The following KIF1B variants were observed in gnomAD, a reference collection of about 807,000 sequenced individuals.
KIF1B encodes kinesin family member 1B.
In KIF1B, 76 loss-of-function variants were observed where a neutral mutation model predicts 241.9. The ratio of observed to expected loss-of-function variants is 0.31; its 90% CI spans 0.26 to 0.38. KIF1B has a LOEUF of 0.38. KIF1B is among the 10% of genes least tolerant of loss of function. The pLI is 1.00. For missense variants in KIF1B, 1,622 were observed against 2,271.4 expected (o/e 0.71, Z 5.81); for synonymous variants, 750 against 796.7 (o/e 0.94, Z 0.99).
chr1:10,259,505 AT>A lies in KIF1B; in HGVS notation c.363+848del, dbSNP rs869146825. On this transcript the variant is annotated intron_variant, in intron 4 of 48. Coordinates refer to ENST00000676179, the MANE Select transcript of KIF1B (RefSeq NM_001365951.3). ...CATTTTTAAATTAAAAAAAAAAAAA[AT>A]TTTTTTTTTTTTTTGAGGTGGAGTC... 1.2e-3 allele frequency among the ~76,000 whole-genome samples: 140 copies of A among 121,578 alleles called. 1 individual carries two copies. Among genetic ancestry groups the A allele is most frequent in the Middle Eastern group, 4.5e-3 (1 of 220 alleles). The allele number at this position is 121,578 out of a possible 152,430, so 79.8% of individuals were successfully genotyped here. A position where few individuals can be genotyped will look rare whatever the true frequency, so the allele number is the denominator to read the frequency against.
intron 5 of KIF1B, among the ~76,000 whole-genome samples, chr1:10,264,249 G>T (rs530567384): frequency 6.6e-6 from 1 of 152,286 alleles, no homozygotes; most frequent in South Asian, 2.1e-4. Flanking sequence ...GCTCACTGGG[G>T]CAGGGTTCTT....
At chr1:10,254,943 ATTTTCATTTC>A (rs1455595246) in intron 2 of KIF1B, among the ~76,000 whole-genome samples, 7 of 150,226 alleles carry the variant, frequency 4.7e-5, no homozygotes, top group Non-Finnish European at 1.0e-4. Context: ...TAACTTTCTA[ATTTTCATTTC>A]TCTTTTTTTT....
At chr1:10,279,723 TCTCA>T (rs1238179218) in intron 14 of KIF1B, among the ~76,000 whole-genome samples, 1 of 133,594 alleles carries the variant, frequency 7.5e-6, no homozygotes, top group African/African-American at 2.8e-5. Flanking sequence ...TTTTAGACAG[TCTCA>T]CTCTTGTCAC....
rs141688466 is a variant in KIF1B at position 10,380,912 on chromosome 1, G to A, written c.*4325G>A. ...AATATCAGCTGAGAGATTATTTGCT[G>A]CTGTTATTCAAAAGGCCATTTATGA... On this transcript the variant is annotated 3_prime_UTR_variant, in exon 49 of 49. Transcript: ENST00000676179. 895 of 219,196 alleles carry A rather than the reference G, an allele frequency of 4.1e-3. 4 individuals are homozygous for A. The highest frequency in any genetic ancestry group is 6.5e-3 in the Non-Finnish European group (712 of 108,980). The allele number at this position is 219,196 out of a possible 1,614,324, so 13.6% of individuals were successfully genotyped here. A position where few individuals can be genotyped will look rare whatever the true frequency, so the allele number is the denominator to read the frequency against.
At chr1:10,273,473 G>A (rs533774987) in intron 10 of KIF1B, among the ~76,000 whole-genome samples, 1 of 152,106 alleles carries the variant, frequency 6.6e-6, no homozygotes, top group Admixed American at 6.5e-5. Context: ...GAAGTTTTAG[G>A]CCTCAAGGAT....
chr1:10,239,352 G>A (rs1370859101), intron 2 of KIF1B, among the ~76,000 whole-genome samples: 1 of 151,964 alleles, frequency 6.6e-6, no homozygotes, highest in African/African-American at 2.4e-5. Flanking sequence ...TGGATTATAT[G>A]TACTGTTTTT....
At chr1:10,350,530 G>A (rs955123591) in intron 37 of KIF1B, among the ~76,000 whole-genome samples, 1 of 152,106 alleles carries the variant, frequency 6.6e-6, no homozygotes, top group Non-Finnish European at 1.5e-5. Context: ...CTGCACTCCA[G>A]CCTGGGCAAC....
intron 22 of KIF1B, among the ~76,000 whole-genome samples, chr1:10,317,136 C>T (rs1651336370): frequency 6.6e-6 from 1 of 151,622 alleles, no homozygotes; most frequent in Non-Finnish European, 1.5e-5. Context: ...ACCCAAGCCT[C>T]TTTAGCCTCG....
In KIF1B at chr1:10,230,217, G is replaced by T. The variant is rs1192956841; in HGVS notation, c.-79-2033G>T. ...TGTTATTTATTTATCCTGTTCTCGG[G>T]AACACATCGGTTATGGTGTTGTGTA... On this transcript the variant is annotated intron_variant, in intron 1 of 48. Transcript: ENST00000676179. Among the ~76,000 whole-genome samples, 5 of 152,212 alleles carry T rather than the reference G, an allele frequency of 3.3e-5. No individual in the cohort carries two copies. The Middle Eastern group carries it at 0.014, about 414-fold the overall frequency.
rs890880566 is a variant in KIF1B at position 10,283,160 on chromosome 1, T to A, written c.1434+627T>A. ...AGGCGGAGCTTGCAGTGAGCCGAGA[T>A]CGTGCCACTGCATTCCAGCCTGGGG... is the stretch of plus-strand genomic sequence containing the variant. On this transcript the variant is annotated intron_variant, in intron 15 of 48. Coordinates refer to ENST00000676179, the MANE Select transcript of KIF1B (RefSeq NM_001365951.3). Among the ~76,000 whole-genome samples, 11 of 130,988 alleles carry A rather than the reference T, an allele frequency of 8.4e-5. No homozygotes were observed. The South Asian group carries it at 1.8e-3, about 22-fold the overall frequency. 85.9% of individuals were successfully genotyped at this position (130,988 alleles called of 152,430 possible).
chr1:10,323,110 C>G (rs993993865), intron 24 of KIF1B, among the ~76,000 whole-genome samples: 4 of 152,056 alleles, frequency 2.6e-5, no homozygotes, highest in African/African-American at 4.8e-5. Context: ...GATCCTTCCG[C>G]CTCGGCCTTC....
intron 45 of KIF1B, among the ~76,000 whole-genome samples, chr1:10,372,654 GGTGACAGAGCT>G (rs1473340847): frequency 1.6e-5 from 2 of 126,286 alleles, no homozygotes; most frequent in Admixed American, 7.6e-5. Flanking sequence ...CGCCAGCTTG[GGTGACAGAGCT>G]GTCACCCAAG....
At chr1:10,320,674 A>G (rs1192436818) in intron 23 of KIF1B, among the ~76,000 whole-genome samples, 1 of 152,232 alleles carries the variant, frequency 6.6e-6, no homozygotes, top group Non-Finnish European at 1.5e-5. Context: ...TCAAGGCTTC[A>G]AACTAACTTT....
chr1:10,263,154 C>T (rs1450852664), intron 5 of KIF1B, among the ~76,000 whole-genome samples: 1 of 151,796 alleles, frequency 6.6e-6, no homozygotes, highest in African/African-American at 2.4e-5. Context: ...TGTGGTGGTG[C>T]ACACCTGTAA....
At chr1:10,330,769 G>C (rs77878136) in intron 27 of KIF1B, among the ~76,000 whole-genome samples, 4,770 of 152,268 alleles carry the variant, frequency 0.031, 247 homozygotes, top group African/African-American at 0.11. Context: ...GCAGACAGTG[G>C]TGAGCAAAAC....
chr1:10,231,574 A>T (rs1469839274), intron 1 of KIF1B, among the ~76,000 whole-genome samples: 1 of 151,262 alleles, frequency 6.6e-6, no homozygotes, highest in African/African-American at 2.4e-5. Context: ...TTTAGTAAAG[A>T]TGGGGTTTTA....
intron 1 of KIF1B, among the ~76,000 whole-genome samples, chr1:10,221,076 T>A (rs902201982): frequency 6.6e-6 from 1 of 151,112 alleles, no homozygotes; most frequent in Admixed American, 6.6e-5. Context: ...TTGGATTGGG[T>A]TAGAATACAG....
intron 22 of KIF1B, among the ~76,000 whole-genome samples, chr1:10,310,672 A>G (rs1305991177): frequency 6.6e-6 from 1 of 151,576 alleles, no homozygotes; most frequent in Non-Finnish European, 1.5e-5. Flanking sequence ...GTAATCTAGA[A>G]GACAGATACA....
intron 15 of KIF1B, among the ~76,000 whole-genome samples, chr1:10,286,068 C>T (rs1446046445): frequency 6.6e-6 from 1 of 151,246 alleles, no homozygotes; most frequent in African/African-American, 2.4e-5. Flanking sequence ...GAGACAGAGT[C>T]TTGCTCTGTT....
Sources: gnomAD v4.1 joint callset for allele counts (sites outside exome capture counted in the v4.1 genomes callset) on GRCh38, gnomAD v4.1.1 for gene constraint, MANE v1.5 for transcripts, NCBI Gene and HGNC (gene_info 2026-07-23, HGNC 2026-07-21) for gene names.